ZNF446: variants seen among roughly 807,000 people sequenced by gnomAD.
ZNF446 encodes the protein zinc finger protein 446, also known as zinc finger protein with KRAB and SCAN domains 20.
Under a neutral mutation model 34.0 loss-of-function variants are expected in ZNF446, and 42 were observed. The ratio of observed to expected loss-of-function variants is 1.23; its 90% CI spans 0.96 to 1.60. The LOEUF is 1.60. Ranked by LOEUF, ZNF446 falls within the 40% of genes most tolerant of loss-of-function variation. The pLI is 0.00. For synonymous variants in ZNF446, 315 were observed against 251.0 expected, an observed-to-expected ratio of 1.25 and a Z score of -2.41; for missense variants, 650 against 600.2, an observed-to-expected ratio of 1.08 and a Z score of -0.87.
At chr19:58,478,727 G>C (rs1427403846) in intron 4 of ZNF446, among the ~76,000 whole-genome samples, 1 of 152,126 alleles carries the variant, frequency 6.6e-6, no homozygotes, top group Admixed American at 6.6e-5. Flanking sequence ...TAGAGTGGCT[G>C]GAACTAGTGG....
chr19:58,479,598 G>C (rs2053118459), intron 4 of ZNF446, 45 bp from the exon 5 acceptor site: 1 of 1,599,476 alleles, frequency 6.3e-7, no homozygotes. Flanking sequence ...AGACAGGGCA[G>C]GGAAGGGGTG....
Position 58,478,143 on chromosome 19 carries a change from G to A in ZNF446, c.589G>A (p.Glu197Lys). ...CCCTGAGGGGAACCATGGACACCAA[G>A]AACCAGCCTCCACATCCTTCCACCC... ...QSPEGNHGHQ[E>K]PASTSFHPPR... The change falls in exon 4 of 7, where the codon GAA (glutamate) becomes AAA (lysine). Residue 197 changes from glutamate (E) to lysine (K), a missense_variant. By Grantham distance (56) the Glu-to-Lys change is moderately conservative. Coordinates refer to ENST00000594369, the MANE Select transcript of ZNF446 (RefSeq NM_017908.4). 1 of 1,614,096 alleles carries A rather than the reference G, an allele frequency of 6.2e-7. No homozygotes were observed. Among genetic ancestry groups the A allele is most frequent in the Non-Finnish European group, 8.5e-7 (1 of 1,179,958 alleles).
At chr19:58,484,683 AT>A (rs1027397960), downstream of ZNF446, among the ~76,000 whole-genome samples, 13 of 151,816 alleles carry the variant, frequency 8.6e-5, no homozygotes, top group African/African-American at 3.1e-4. Context: ...TTTCGATAAA[AT>A]TTTTTTTAAA....
In ZNF446 at chr19:58,477,757, A is replaced by G; in HGVS notation, c.463A>G (p.Arg155Gly). ...CCCTGGGGAAGGTCCCCAGGACACC[A>G]GAATAGAGGGGTCTGTCCAGCTCAG... Reference protein sequence around the residue: ...ESPGEGPQDTRIEGSVQLSCS... With the variant: ...ESPGEGPQDTGIEGSVQLSCS... Residue 155 changes from arginine (R) to glycine (G), a missense_variant, in exon 3 of 7, where the codon AGA becomes GGA. Coordinates refer to ENST00000594369, the MANE Select transcript of ZNF446 (RefSeq NM_017908.4). The G allele has an allele frequency of 6.2e-7, 1 of 1,611,788 alleles. No individual in the cohort carries two copies. The highest frequency in any genetic ancestry group is 8.5e-7 in the Non-Finnish European group (1 of 1,179,072).
chr19:58,488,864 A>C, the ZNF446 span, among the ~76,000 whole-genome samples: 5 of 146,634 alleles, frequency 3.4e-5, no homozygotes, highest in Admixed American at 2.7e-4. Flanking sequence ...AAAAAAAAAA[A>C]CAAAAAAATA....
At chr19:58,486,454 C>G in the ZNF446 span, among the ~76,000 whole-genome samples, 2 of 152,220 alleles carry the variant, frequency 1.3e-5, no homozygotes, top group East Asian at 1.9e-4. Flanking sequence ...ATTCCCCAAG[C>G]TGGAGTGCAA....
chr19:58,477,340 G>T lies in ZNF446; in HGVS notation c.122G>T (p.Arg41Leu). 1 of 1,613,382 alleles carries T rather than the reference G, an allele frequency of 6.2e-7. No homozygotes were observed. The highest frequency in any genetic ancestry group is 1.1e-5 in the South Asian group (1 of 91,080). Residue 41 changes from arginine (R) to leucine (L), a missense_variant, in exon 2 of 7, where the codon CGA becomes CTA. Coordinates refer to ENST00000594369, the MANE Select transcript of ZNF446 (RefSeq NM_017908.4). Reference protein sequence around the residue: ...GFCYQEVAGPREALARLRELC... With the variant: ...GFCYQEVAGPLEALARLRELC... The stretch of plus-strand genomic sequence containing the variant: ...TGCTACCAGGAGGTGGCAGGTCCCC[G>T]AGAAGCCCTGGCCCGGCTGCGTGAG...
the ZNF446 span, among the ~76,000 whole-genome samples, chr19:58,487,374 G>C: frequency 6.6e-6 from 1 of 152,080 alleles, no homozygotes; most frequent in Admixed American, 6.6e-5. Flanking sequence ...TCTGCCTCAC[G>C]ACTAAAGAAA....
At chr19:58,486,020 A>T (rs1241115742), downstream of ZNF446, among the ~76,000 whole-genome samples, 2 of 151,502 alleles carry the variant, frequency 1.3e-5, no homozygotes, top group African/African-American at 2.4e-5. Flanking sequence ...GGGCACAAGC[A>T]GTCCTCTCAC....
the ZNF446 span, among the ~76,000 whole-genome samples, chr19:58,488,865 C>A: frequency 0.34 from 44,762 of 129,936 alleles, 7,621 homozygotes; most frequent in African/African-American, 0.47. Context: ...AAAAAAAAAA[C>A]AAAAAAATAC....
rs1294041963 is a variant in ZNF446 at position 58,477,758 on chromosome 19, G to A, written c.464G>A (p.Arg155Lys). 1 of 1,611,490 alleles carries A rather than the reference G, an allele frequency of 6.2e-7. No individual in the cohort carries two copies. The highest frequency in any genetic ancestry group is 8.5e-7 in the Non-Finnish European group (1 of 1,179,034). ...ESPGEGPQDT[R>K]IEGSVQLSCS... ...CCTGGGGAAGGTCCCCAGGACACCAGAATAGAGGGGTCTGTCCAGCTCAGC... is the reference window on the plus strand; with the variant it reads ...CCTGGGGAAGGTCCCCAGGACACCAAAATAGAGGGGTCTGTCCAGCTCAGC... Residue 155 changes from arginine to lysine, a missense_variant, in exon 3 of 7, where the codon AGA (arginine) becomes AAA (lysine). Arg to Lys is a conservative substitution (Grantham distance 26, BLOSUM62 2). Transcript: ENST00000594369.
At chr19:58,488,752 G>A in the ZNF446 span, among the ~76,000 whole-genome samples, 2 of 151,422 alleles carry the variant, frequency 1.3e-5, no homozygotes, top group African/African-American at 2.4e-5. Context: ...TTGGGAGGCT[G>A]AGGCAGGAGA....
Position 58,477,248 on chromosome 19 carries a change from G to A in ZNF446, c.30G>A (p.Leu10=), listed in dbSNP as rs1350442891. 6.3e-7 allele frequency: 1 copy of A among 1,591,484 alleles called. No homozygotes were observed. Among genetic ancestry groups the A allele is most frequent in the Non-Finnish European group, 8.6e-7 (1 of 1,166,404 alleles). Residue 10 remains leucine, a synonymous_variant, in exon 2 of 7, where the codon CTG becomes CTA. Transcript: ENST00000594369. MPSPLGPPC[L]PVMDPETTLE... ...CATCCCCTCTGGGTCCCCCATGCCT[G>A]CCCGTCATGGACCCAGAGACCACCC...
downstream of ZNF446, among the ~76,000 whole-genome samples, chr19:58,481,985 G>A (rs954032468): frequency 2.6e-5 from 4 of 151,976 alleles, no homozygotes; most frequent in Non-Finnish European, 1.5e-5. Flanking sequence ...TAGTAGAGAC[G>A]GGGTTTCACC....
downstream of ZNF446, among the ~76,000 whole-genome samples, chr19:58,482,650 C>T (rs2053148328): frequency 6.6e-6 from 1 of 152,202 alleles, no homozygotes. Flanking sequence ...GAGAGGGAGG[C>T]TCTCCTCAGA....
downstream of ZNF446, among the ~76,000 whole-genome samples, chr19:58,482,085 C>T (rs552677244): frequency 2.8e-4 from 43 of 152,306 alleles, no homozygotes; most frequent in African/African-American, 1.0e-3. Context: ...TGAGCCACCG[C>T]GCCCGGCCAA....
intron 3 of ZNF446, 86 bp downstream of exon 3, chr19:58,477,912 T>G: frequency 7.1e-7 from 1 of 1,400,304 alleles, no homozygotes; most frequent in Non-Finnish European, 9.5e-7. Flanking sequence ...AGGAGAGGTG[T>G]GTCAAGGCTG....
In ZNF446 at chr19:58,480,045, GA is replaced by G. The variant is rs776370249; in HGVS notation, c.802+28del. The G allele has an allele frequency of 6.0e-5, 94 of 1,570,790 alleles. No homozygotes were observed. In the East Asian group the frequency reaches 2.1e-3, roughly 34 times the overall value. Reference sequence around the variant, plus strand: ...GTGAGTGCCCCACACCATCCAGCCTGAATCACCCCTCCTGTATCGGTGGGAC... The same window carrying G: ...GTGAGTGCCCCACACCATCCAGCCTGATCACCCCTCCTGTATCGGTGGGAC... On this transcript the variant is annotated intron_variant, in intron 6 of 6. Coordinates refer to ENST00000594369, the MANE Select transcript of ZNF446 (RefSeq NM_017908.4). The surrounding 1 kb of genome is among the most constrained non-coding windows in gnomAD (Gnocchi z 7.2).
At chr19:58,484,416 A>G (rs528243220), downstream of ZNF446, among the ~76,000 whole-genome samples, 12 of 151,018 alleles carry the variant, frequency 7.9e-5, no homozygotes, top group South Asian at 2.5e-3. Context: ...CAGTGAGCCA[A>G]GATCTCACGA....
Sources: gnomAD v4.1 joint callset for allele counts (sites outside exome capture counted in the v4.1 genomes callset) on GRCh38, gnomAD v4.1.1 for gene constraint, Gnocchi (gnomAD v3.1) non-coding constraint, MANE v1.5 for transcripts, NCBI Gene and HGNC (gene_info 2026-07-23, HGNC 2026-07-21) for gene names.